The following SHANK2 variants were observed in gnomAD, a reference collection of about 807,000 sequenced individuals.
The protein encoded by SHANK2 is SH3 and multiple ankyrin repeat domains 2.
A neutral mutation model predicts 133.7 loss-of-function variants in SHANK2; 43 were observed. The observed-to-expected ratio is 0.32, with a 90% CI of 0.25 to 0.41. SHANK2 has a LOEUF of 0.41. Among genes scored for constraint, SHANK2 ranks in the 10% least tolerant of loss-of-function variants. The pLI, the probability that SHANK2 is intolerant of heterozygous loss-of-function variation, is 1.00. For synonymous variants in SHANK2, 1,017 were observed against 952.8 expected, an observed-to-expected ratio of 1.07 and a Z score of -1.24; for missense variants, 1,994 against 2,235.8, an observed-to-expected ratio of 0.89 and a Z score of 2.18.
intron 17 of SHANK2, among the ~76,000 whole-genome samples, chr11:70,561,674 G>A (rs960864322): frequency 2.0e-5 from 3 of 148,658 alleles, no homozygotes; most frequent in African/African-American, 5.0e-5. Context: ...GACTGCAGAC[G>A]TGCACCGTCA....
intron 10 of SHANK2, among the ~76,000 whole-genome samples, chr11:70,939,886 C>T (rs1022807953): frequency 2.6e-5 from 4 of 152,150 alleles, no homozygotes; most frequent in African/African-American, 7.2e-5. Context: ...CTGGATCATC[C>T]AGGTGGGCCC....
chr11:71,240,188 G>C (rs1165736675), intron 1 of SHANK2, among the ~76,000 whole-genome samples: 1 of 152,136 alleles, frequency 6.6e-6, no homozygotes, highest in African/African-American at 2.4e-5. Flanking sequence ...CATAAAACCT[G>C]CTGAAAACCC....
At chr11:71,137,011 C>T (rs371750786) in intron 3 of SHANK2, among the ~76,000 whole-genome samples, 26 of 152,118 alleles carry the variant, frequency 1.7e-4, no homozygotes, top group East Asian at 1.4e-3. Flanking sequence ...TACAGGCATG[C>T]GCCACCATGC....
At chr11:70,557,234 G>A (rs2059845072) in intron 17 of SHANK2, among the ~76,000 whole-genome samples, 1 of 152,142 alleles carries the variant, frequency 6.6e-6, no homozygotes, top group South Asian at 2.1e-4. Context: ...TGCAGGCTGT[G>A]TCCTGGGTGC....
At chr11:70,925,864 C>T (rs1225388875) in intron 10 of SHANK2, among the ~76,000 whole-genome samples, 1 of 152,176 alleles carries the variant, frequency 6.6e-6, no homozygotes, top group Non-Finnish European at 1.5e-5. Context: ...AGGAGAAACA[C>T]AGTGTTAGGT....
chr11:70,537,279 C>T (rs1255686369), intron 17 of SHANK2, among the ~76,000 whole-genome samples: 3 of 152,192 alleles, frequency 2.0e-5, no homozygotes, highest in Non-Finnish European at 4.4e-5. Context: ...CATGGCAGCC[C>T]CCAAAAGATA....
chr11:70,530,357 G>A (rs1221358458), intron 17 of SHANK2, among the ~76,000 whole-genome samples: 1 of 152,122 alleles, frequency 6.6e-6, no homozygotes. Context: ...GCAACACAGT[G>A]AGACACCATT....
intron 2 of SHANK2, among the ~76,000 whole-genome samples, chr11:71,165,813 G>C (rs1388942188): frequency 6.6e-6 from 1 of 152,032 alleles, no homozygotes; most frequent in Non-Finnish European, 1.5e-5. Context: ...TCTCATCCTC[G>C]GGCCTCCCTC....
intron 17 of SHANK2, among the ~76,000 whole-genome samples, chr11:70,578,176 C>T (rs1462871277): frequency 6.6e-6 from 1 of 152,232 alleles, no homozygotes; most frequent in Non-Finnish European, 1.5e-5. Context: ...CGCCATTGCA[C>T]AGACAGGGAA....
intron 11 of SHANK2, among the ~76,000 whole-genome samples, chr11:70,875,760 T>A (rs2135558150): frequency 7.1e-6 from 1 of 141,532 alleles, no homozygotes; most frequent in Non-Finnish European, 1.5e-5. Flanking sequence ...GGGGCTGAAG[T>A]GGGAGGATTA....
intron 17 of SHANK2, among the ~76,000 whole-genome samples, chr11:70,609,185 C>G (rs1554993440): frequency 6.6e-6 from 1 of 152,226 alleles, no homozygotes; most frequent in African/African-American, 2.4e-5. Context: ...GACAATGCTG[C>G]TGAGGCAAGG....
intron 2 of SHANK2, among the ~76,000 whole-genome samples, chr11:71,181,085 C>T (rs770600901): frequency 9.7e-4 from 148 of 152,112 alleles, no homozygotes; most frequent in Non-Finnish European, 1.6e-3. Context: ...CCAGAGATGG[C>T]GGAAGATCCT....
At chr11:70,672,316 G>A (rs1378108764) in intron 15 of SHANK2, among the ~76,000 whole-genome samples, 2 of 152,010 alleles carry the variant, frequency 1.3e-5, no homozygotes, top group Non-Finnish European at 2.9e-5. Flanking sequence ...CACCTGCCTC[G>A]GCCTTCCAAA....
intron 17 of SHANK2, among the ~76,000 whole-genome samples, chr11:70,607,447 C>G (rs559112701): frequency 6.6e-6 from 1 of 152,322 alleles, no homozygotes; most frequent in East Asian, 1.9e-4. Flanking sequence ...AGGTGACCAA[C>G]TGGGTCCTGG....
At chr11:70,797,279 A>G (rs1947934494) in intron 14 of SHANK2, among the ~76,000 whole-genome samples, 1 of 152,184 alleles carries the variant, frequency 6.6e-6, no homozygotes, top group Non-Finnish European at 1.5e-5. Context: ...CCAGAAAAAC[A>G]CACTCCCTCC....
intron 15 of SHANK2, among the ~76,000 whole-genome samples, chr11:70,684,314 T>C (rs1555019013): frequency 1.3e-5 from 2 of 152,040 alleles, no homozygotes; most frequent in African/African-American, 4.8e-5. Flanking sequence ...CCCAGCAGTA[T>C]GGGAGGCAGA....
intron 2 of SHANK2, among the ~76,000 whole-genome samples, chr11:71,219,332 A>T (rs1157363863): frequency 6.6e-6 from 1 of 152,244 alleles, no homozygotes; most frequent in Non-Finnish European, 1.5e-5. Context: ...TATTCACAAA[A>T]GAGAACCCAG....
chr11:70,557,307 A>T (rs2059846151), intron 17 of SHANK2, among the ~76,000 whole-genome samples: 1 of 152,186 alleles, frequency 6.6e-6, no homozygotes, highest in Admixed American at 6.5e-5. Flanking sequence ...GCAAGCAAGC[A>T]AACAGATGAT....
rs1555154468 is a variant in SHANK2 at position 70,487,428 on chromosome 11, C to T, written c.2865G>A (p.Glu955=). Residue 955 remains glutamate (E), a synonymous_variant, in exon 25 of 26, where the codon GAG becomes GAA. Transcript: ENST00000601538. This position sits in a 1 kb window ranked among gnomAD's most constrained non-coding sequence, Gnocchi z 5.8. The part of the protein sequence containing the change: ...MREKGMYFRR[E]LDRYSLDSED... ...CAGAGTCCAAGGAGTAGCGGTCCAGCTCTCTCCTGAAGTACATCCCCTTCT... is the reference window on the plus strand; with the variant it reads ...CAGAGTCCAAGGAGTAGCGGTCCAGTTCTCTCCTGAAGTACATCCCCTTCT... 2 of 1,614,120 alleles carry T rather than the reference C, an allele frequency of 1.2e-6. No individual in the cohort carries two copies. Among genetic ancestry groups the T allele is most frequent in the Admixed American group, 1.7e-5 (1 of 60,026 alleles).
Sources: allele counts gnomAD v4.1 joint callset (sites outside exome capture counted in the v4.1 genomes callset), GRCh38; gene constraint gnomAD v4.1.1; non-coding constraint Gnocchi (gnomAD v3.1); transcripts MANE v1.5; gene names NCBI Gene and HGNC (gene_info 2026-07-23, HGNC 2026-07-21).